DYNC2I1: variants seen among roughly 807,000 people sequenced by gnomAD.
The protein encoded by DYNC2I1 is cytoplasmic dynein 2 intermediate chain 1.
Under a neutral mutation model 133.4 loss-of-function variants are expected in DYNC2I1, and 89 were observed. The observed-to-expected ratio is 0.67, with a 90% CI of 0.56 to 0.80. DYNC2I1 has a LOEUF of 0.80. Among genes scored for constraint, DYNC2I1 ranks in the 30% least tolerant of loss-of-function variants. DYNC2I1 has a pLI of 0.00. For missense variants in DYNC2I1, 1,291 were observed against 1,314.5 expected (o/e 0.98, Z 0.28); for synonymous variants, 504 against 484.3 (o/e 1.04, Z -0.54).
chr7:158,846,039 C>T, the DYNC2I1 span, among the ~76,000 whole-genome samples: 2 of 152,200 alleles, frequency 1.3e-5, no homozygotes, highest in Admixed American at 6.5e-5. Context: ...GCAGGCAGAT[C>T]ACTTGAGACT....
At chr7:158,862,252 G>A (rs771964182) in intron 1 of DYNC2I1, among the ~76,000 whole-genome samples, 2 of 152,156 alleles carry the variant, frequency 1.3e-5, no homozygotes, top group Non-Finnish European at 1.5e-5. Context: ...ACTGGGAGGC[G>A]CTCCAGAGAA....
intron 14 of DYNC2I1, 53 bp downstream of exon 14, chr7:158,914,374 T>A (rs1277483710): frequency 7.0e-7 from 1 of 1,433,940 alleles, no homozygotes; most frequent in East Asian, 2.4e-5. Context: ...TAAAGTTTCA[T>A]TCTACATAGA....
At chr7:158,893,804 CACCGCATATCAT>C (rs1845471700) in intron 8 of DYNC2I1, among the ~76,000 whole-genome samples, 1 of 151,946 alleles carries the variant, frequency 6.6e-6, no homozygotes, top group Non-Finnish European at 1.5e-5. Flanking sequence ...ATGCATGTCA[CACCGCATATCAT>C]ACCGTATATC....
chr7:158,888,000 T>C lies in DYNC2I1; in HGVS notation c.990+925T>C, dbSNP rs201916574. On this transcript the variant is annotated intron_variant, in intron 7 of 24. Transcript: ENST00000407559. ...AAAATAGCACACTGTGGAGTTAGGGTTATTATCAAACCATTGTCCTTTTTT... is the reference window on the plus strand; with the variant it reads ...AAAATAGCACACTGTGGAGTTAGGGCTATTATCAAACCATTGTCCTTTTTT... 3.3e-5 allele frequency among the ~76,000 whole-genome samples: 5 copies of C among 151,734 alleles called. No individual in the cohort carries two copies. The East Asian group carries it at 9.7e-4, about 29-fold the overall frequency.
chr7:158,846,319 TA>T, the DYNC2I1 span, among the ~76,000 whole-genome samples: 1 of 152,104 alleles, frequency 6.6e-6, no homozygotes, highest in Non-Finnish European at 1.5e-5. Context: ...AAGAGAGTTG[TA>T]AAGAAAGTTA....
intron 1 of DYNC2I1, 69 bp downstream of exon 1, chr7:158,856,819 G>C (rs1841285215): frequency 2.4e-6 from 3 of 1,225,956 alleles, no homozygotes; most frequent in South Asian, 8.3e-5. Context: ...GCCGCTAGCA[G>C]CGCCGCCGCC....
intron 8 of DYNC2I1, among the ~76,000 whole-genome samples, chr7:158,893,016 C>T (rs1055115037): frequency 2.0e-5 from 3 of 151,938 alleles, no homozygotes; most frequent in African/African-American, 4.8e-5. Context: ...TGAATAGCCT[C>T]CCCTATTATC....
intron 5 of DYNC2I1, among the ~76,000 whole-genome samples, chr7:158,884,076 G>A (rs921743205): frequency 2.1e-5 from 3 of 141,632 alleles, no homozygotes; most frequent in Non-Finnish European, 3.0e-5. Context: ...ATGGAGTCTC[G>A]CTCTGTCGCC....
intron 4 of DYNC2I1, 25 bp downstream of exon 4, chr7:158,876,716 A>T: frequency 6.6e-7 from 1 of 1,525,402 alleles, no homozygotes; most frequent in South Asian, 1.3e-5. Context: ...GCCTGGGGAA[A>T]AGTTTTCCAA....
upstream of DYNC2I1, among the ~76,000 whole-genome samples, chr7:158,855,939 CTTTTTTTTTTT>C (rs71200072): frequency 3.9e-3 from 466 of 119,296 alleles, no homozygotes; most frequent in African/African-American, 0.013. Context: ...AAGCTCTTTT[CTTTTTTTTTTT>C]TTTTTTTTTG....
downstream of DYNC2I1, among the ~76,000 whole-genome samples, chr7:158,947,003 C>T (rs527686625): frequency 1.4e-4 from 21 of 152,360 alleles, no homozygotes; most frequent in African/African-American, 4.6e-4. Context: ...TCCAGCCACC[C>T]GAGCAACCGC....
chr7:158,905,927 AT>A, intron 10 of DYNC2I1, 61 bp from the exon 11 acceptor site: 6 of 1,321,584 alleles, frequency 4.5e-6, no homozygotes, highest in Middle Eastern at 1.8e-4. Context: ...TACTCCAGAT[AT>A]TTTTTTGCTT....
At position 158,945,589 on chromosome 7, in the gene DYNC2I1, C is replaced by T; in HGVS notation, c.3011C>T (p.Ala1004Val). 1 of 1,604,564 alleles carries T rather than the reference C, an allele frequency of 6.2e-7. No homozygotes were observed. ...TGCCCCTCTCCCTGCAGGCTGGTGG[C>T]CATGGCTGCGGTGGGTGAGCCTGAG... ...KQQVSPNRLVAMAAVGEPEKA... is the reference protein window; with the variant it reads ...KQQVSPNRLVVMAAVGEPEKA... Residue 1004 changes from alanine to valine, a missense_variant, in exon 25 of 25, where the codon GCC becomes GTC. Coordinates refer to ENST00000407559, the MANE Select transcript of DYNC2I1 (RefSeq NM_018051.5). The surrounding 1 kb of genome is among the most constrained non-coding windows in gnomAD (Gnocchi z 4.1).
At chr7:158,862,815 G>T (rs568771848) in intron 1 of DYNC2I1, among the ~76,000 whole-genome samples, 1 of 152,224 alleles carries the variant, frequency 6.6e-6, no homozygotes, top group East Asian at 1.9e-4. Context: ...GTTCAGATGT[G>T]TCTGGAGTTT....
In DYNC2I1 at chr7:158,893,832, G is replaced by A. The variant is rs546881910; in HGVS notation, c.1059+2499G>A. Among the ~76,000 whole-genome samples the A allele has an allele frequency of 2.0e-5, 3 of 151,688 alleles. No homozygotes were observed. In the South Asian group the frequency reaches 6.3e-4, roughly 32 times the overall value. The stretch of plus-strand genomic sequence containing the variant: ...CGCATATCATACCGTATATCATACC[G>A]TATGTCATAGTGCATATCCTACCAC... On this transcript the variant is annotated intron_variant, in intron 8 of 24. Transcript: ENST00000407559.
chr7:158,914,187 A>G, intron 13 of DYNC2I1, 46 bp from the exon 14 acceptor site: 1 of 1,502,638 alleles, frequency 6.7e-7, no homozygotes, highest in Non-Finnish European at 9.1e-7. Flanking sequence ...ATGCATGATT[A>G]TTTTAGAGTC....
Position 158,922,550 on chromosome 7 carries a change from G to T in DYNC2I1, c.2094+1G>T. 1.2e-6 allele frequency: 2 copies of T among 1,613,250 alleles called. No individual in the cohort carries two copies. The highest frequency in any genetic ancestry group is 1.7e-6 in the Non-Finnish European group (2 of 1,179,600). On this transcript the variant is annotated splice_donor_variant, in intron 16 of 24. Transcript: ENST00000407559. LOFTEE classifies it high-confidence loss of function. ...GAAAGTTCTGATATGTGAGTCCCAG[G>T]TACAGCTCAGGATGAGAGTCGCACG...
rs1841251683 is a variant in DYNC2I1, at chr7:158,856,611, G to A, written c.-125G>A. On this transcript the variant is annotated 5_prime_UTR_variant, in exon 1 of 25. Coordinates refer to ENST00000407559, the MANE Select transcript of DYNC2I1 (RefSeq NM_018051.5). Reference sequence around the variant, plus strand: ...TGCTTCTGGGCCCTCTGCTGCTCCTGCTTGTCGGTTGCTAGGCGCTGGGAC... The same window carrying A: ...TGCTTCTGGGCCCTCTGCTGCTCCTACTTGTCGGTTGCTAGGCGCTGGGAC... 1 of 1,020,518 alleles carries A rather than the reference G, an allele frequency of 9.8e-7. No individual in the cohort carries two copies. 63.2% of individuals were successfully genotyped at this position (1,020,518 alleles called of 1,614,324 possible).
downstream of DYNC2I1, among the ~76,000 whole-genome samples, chr7:158,957,972 G>A (rs972896422): frequency 3.3e-5 from 5 of 152,050 alleles, no homozygotes; most frequent in East Asian, 2.0e-4. Flanking sequence ...TCGGCCTTCC[G>A]CTCCGGGGAG....
Sources: gnomAD v4.1 joint callset for allele counts (sites outside exome capture counted in the v4.1 genomes callset) on GRCh38, gnomAD v4.1.1 for gene constraint, Gnocchi (gnomAD v3.1) non-coding constraint, MANE v1.5 for transcripts, NCBI Gene and HGNC (gene_info 2026-07-23, HGNC 2026-07-21) for gene names.